The following ANKRD26 variants were observed in gnomAD, a reference collection of about 807,000 sequenced individuals.
ANKRD26 encodes the protein ankyrin repeat domain-containing protein 26.
In ANKRD26, 141 loss-of-function variants were observed where a neutral mutation model predicts 208.7. The observed-to-expected ratio is 0.68, with a 90% confidence interval of 0.59 to 0.78. The LOEUF (loss-of-function observed/expected upper bound fraction) is 0.78. Ranked by LOEUF, ANKRD26 falls within the 30% of genes least tolerant of loss-of-function variation. ANKRD26 has a pLI of 0.00. For synonymous variants in ANKRD26, 636 were observed against 660.4 expected (o/e 0.96, Z 0.57); for missense variants, 1,889 against 1,938.7 (o/e 0.97, Z 0.48).
Position 27,017,611 on chromosome 10 carries a change from T to C in ANKRD26, c.4397A>G (p.Glu1466Gly). 1.2e-6 allele frequency: 2 copies of C among 1,613,732 alleles called. No homozygotes were observed. Among genetic ancestry groups the C allele is most frequent in the Non-Finnish European group, 1.7e-6 (2 of 1,179,846 alleles). Residue 1466 changes from glutamate to glycine, a missense_variant, in exon 30 of 34, where the codon GAA (glutamate) becomes GGA (glycine). Glu to Gly is a moderately conservative substitution (Grantham distance 98, BLOSUM62 -2). Around this residue, in one of 3 missense-constraint regions of ANKRD26, gnomAD observed 613 missense variants for 648.2 expected, o/e 0.95. Transcript: ENST00000376087. ...QEVINLRSHIERNMVELGQVK... is the reference protein window; with the variant it reads ...QEVINLRSHIGRNMVELGQVK... ...TTGACCAAGTTCTACCATATTCCTT[T>C]CTATATGACTTCTCAGGTTGATCAC... is the stretch of plus-strand genomic sequence containing the variant.
At chr10:27,050,680 A>G (rs1436360986) in intron 16 of ANKRD26, among the ~76,000 whole-genome samples, 1 of 152,148 alleles carries the variant, frequency 6.6e-6, no homozygotes, top group East Asian at 1.9e-4. Context: ...CTGTATTGCC[A>G]TGTTGTTGTT....
At chr10:27,068,766 A>G (rs2055362238) in intron 9 of ANKRD26, among the ~76,000 whole-genome samples, 1 of 151,966 alleles carries the variant, frequency 6.6e-6, no homozygotes, top group Admixed American at 6.6e-5. Flanking sequence ...ATAGATAAAC[A>G]TGGGGGTTGG....
Position 27,005,493 on chromosome 10 carries a change from C to G in ANKRD26, c.*97G>C. The G allele has an allele frequency of 6.5e-7, 1 of 1,539,740 alleles. No individual in the cohort carries two copies. Among genetic ancestry groups the G allele is most frequent in the Non-Finnish European group, 8.7e-7 (1 of 1,143,728 alleles). On this transcript the variant is annotated 3_prime_UTR_variant, in exon 34 of 34. Coordinates refer to ENST00000376087, the MANE Select transcript of ANKRD26 (RefSeq NM_014915.3). ...AAATTTTGATCTGACATATATGATACAAAAATACGTTCCTTTAATATTTTT... is the reference window on the plus strand; with the variant it reads ...AAATTTTGATCTGACATATATGATAGAAAAATACGTTCCTTTAATATTTTT...
At position 27,035,156 on chromosome 10, in the gene ANKRD26, T is replaced by C. The variant is rs1194983308; in HGVS notation, c.3294A>G (p.Gln1098=). Residue 1098 remains glutamine (Q), a synonymous_variant, in exon 24 of 34, where the codon CAA becomes CAG. Transcript: ENST00000376087. ...GACACTGTGTTTGGCTTAGGTCCTT[T>C]TGTACCCGTTCTAAACCCAAAGTCT... is the stretch of plus-strand genomic sequence containing the variant. The part of the protein sequence containing the change: ...REKTLGLERV[Q]KDLSQTQCQM... 1 of 1,614,002 alleles carries C rather than the reference T, an allele frequency of 6.2e-7. No homozygotes were observed.
In ANKRD26 at chr10:27,018,110, C is replaced by A. The variant is rs539031424; in HGVS notation, c.4216-318G>T. On this transcript the variant is annotated intron_variant, in intron 29 of 33. Coordinates refer to ENST00000376087, the MANE Select transcript of ANKRD26 (RefSeq NM_014915.3). Reference sequence around the variant, plus strand: ...ATGGCTCTAAGGGGTAGCAGAAAGTCTTACTACTTCCCCCATAAACATGCC... The same window carrying A: ...ATGGCTCTAAGGGGTAGCAGAAAGTATTACTACTTCCCCCATAAACATGCC... Among the ~76,000 whole-genome samples, 69 of 149,604 alleles carry A rather than the reference C, an allele frequency of 4.6e-4. No homozygotes were observed. The South Asian group carries it at 4.9e-3, about 11-fold the overall frequency.
Position 27,004,369 on chromosome 10 carries a change from A to G in ANKRD26, c.*1221T>C, listed in dbSNP as rs1044491378. 9 of 152,108 alleles carry G rather than the reference A, an allele frequency of 5.9e-5. No homozygotes were observed. The highest frequency in any genetic ancestry group is 2.2e-4 in the African/African-American group (9 of 41,426). 9.4% of individuals were successfully genotyped at this position (152,108 alleles called of 1,614,324 possible). On this transcript the variant is annotated 3_prime_UTR_variant, in exon 34 of 34. Transcript: ENST00000376087. ...AATTATAACTCACTGAATAAAATAA[A>G]CCATGAATCCATGGTTTATTTGATA...
chr10:27,037,728 T>C, intron 22 of ANKRD26, 143 bp downstream of exon 22: 1 of 693,850 alleles, frequency 1.4e-6, no homozygotes, highest in Non-Finnish European at 2.3e-6. Flanking sequence ...TTATCATGAA[T>C]AATTTTAGTT....
chr10:27,097,636 CTTTTTTTTG>C (rs1564441701), intron 1 of ANKRD26, among the ~76,000 whole-genome samples: 6 of 148,912 alleles, frequency 4.0e-5, no homozygotes, highest in Non-Finnish European at 1.5e-5. Flanking sequence ...TAATATTTAT[CTTTTTTTTG>C]TTTTGTTTTG....
At chr10:27,006,226 C>T (rs531364187) in intron 33 of ANKRD26, among the ~76,000 whole-genome samples, 5 of 152,196 alleles carry the variant, frequency 3.3e-5, no homozygotes, top group African/African-American at 7.2e-5. Context: ...ATATGCCAGA[C>T]GGAAGGAAGA....
At chr10:27,058,311 T>C (rs1274510942) in intron 15 of ANKRD26, among the ~76,000 whole-genome samples, 1 of 152,200 alleles carries the variant, frequency 6.6e-6, no homozygotes, top group Non-Finnish European at 1.5e-5. Context: ...GGTCACATAA[T>C]GCATAATATA....
chr10:27,001,938 C>T (rs183684923), downstream of ANKRD26, among the ~76,000 whole-genome samples: 29 of 152,300 alleles, frequency 1.9e-4, no homozygotes, highest in African/African-American at 6.3e-4. Flanking sequence ...CTTTCTATCT[C>T]CTGTATCAGG....
In ANKRD26 at chr10:27,034,800, C is replaced by T. The variant is rs1388853259; in HGVS notation, c.3650G>A (p.Arg1217Lys). 2 of 1,598,102 alleles carry T rather than the reference C, an allele frequency of 1.3e-6. No individual in the cohort carries two copies. Among genetic ancestry groups the T allele is most frequent in the Non-Finnish European group, 1.7e-6 (2 of 1,170,674 alleles). Residue 1217 changes from arginine (R) to lysine (K), a missense_variant, in exon 24 of 34, where the codon AGA becomes AAA. Transcript: ENST00000376087. ...QYQYENEKAE[R>K]EVVVRQLQQE... ...TTTATCTTTCTTGATACTTACTTCT[C>T]TTTCTGCCTTTTCATTTTCATATTG...
chr10:27,067,397 C>T, intron 9 of ANKRD26, 111 bp from the exon 10 acceptor site: 1 of 1,280,002 alleles, frequency 7.8e-7, no homozygotes, highest in East Asian at 2.5e-5. Context: ...AAAGAAATAC[C>T]TGGTCATCCA....
intron 7 of ANKRD26, 36 bp downstream of exon 7, chr10:27,079,053 G>C (rs1301201634): frequency 3.2e-6 from 5 of 1,549,448 alleles, no homozygotes; most frequent in Non-Finnish European, 3.6e-6. Context: ...ACTAGATTCA[G>C]AGTAAGAAAA....
At chr10:27,021,862 T>G (rs1345863097) in intron 29 of ANKRD26, among the ~76,000 whole-genome samples, 3 of 152,102 alleles carry the variant, frequency 2.0e-5, no homozygotes, top group Non-Finnish European at 4.4e-5. Context: ...AAATGTCTAT[T>G]CATCTCCTTT....
chr10:27,030,564 T>C, intron 25 of ANKRD26: 1 of 985,364 alleles, frequency 1.0e-6, no homozygotes, highest in South Asian at 4.7e-5. Context: ...GCTCTTTGGG[T>C]GGGAAAGCGG....
At chr10:27,012,808 T>C (rs1464109829) in intron 32 of ANKRD26, 74 bp downstream of exon 32, 1 of 1,454,198 alleles carries the variant, frequency 6.9e-7, no homozygotes, top group African/African-American at 1.4e-5. Flanking sequence ...TAAAACGCTG[T>C]CTCAAAAAAA....
the ANKRD26 span, among the ~76,000 whole-genome samples, chr10:26,962,500 G>A: frequency 1.3e-4 from 20 of 152,130 alleles, no homozygotes; most frequent in South Asian, 2.5e-3. Flanking sequence ...ACTTGAACCC[G>A]GGAGGCAGAG....
rs527761192 is a variant in ANKRD26 at position 27,062,559 on chromosome 10, T to C, written c.1364-1317A>G. On this transcript the variant is annotated intron_variant, in intron 12 of 33. Transcript: ENST00000376087. Reference sequence around the variant, plus strand: ...CTTAGTTTGCTTCCACATTCTTTTATGTTAGATTGCCCTCTTGGAATCTGG... The same window carrying C: ...CTTAGTTTGCTTCCACATTCTTTTACGTTAGATTGCCCTCTTGGAATCTGG... 4.6e-5 allele frequency among the ~76,000 whole-genome samples: 7 copies of C among 152,336 alleles called. No homozygotes were observed. The South Asian group carries it at 1.2e-3, about 27-fold the overall frequency.
Sources: allele counts gnomAD v4.1 joint callset (sites outside exome capture counted in the v4.1 genomes callset), GRCh38; gene constraint gnomAD v4.1.1; regional missense constraint gnomAD v4.1.1; transcripts MANE v1.5; gene names NCBI Gene and HGNC (gene_info 2026-07-23, HGNC 2026-07-21).